Variants in TET3 observed in about 807,000 individuals in gnomAD.
The protein encoded by TET3 is tet methylcytosine dioxygenase 3, also known as methylcytosine dioxygenase TET3.
In TET3, 19 loss-of-function variants were observed where a neutral mutation model predicts 141.4. The observed-to-expected ratio is 0.13, with a 90% CI of 0.09 to 0.20. The LOEUF is 0.20. TET3 is among the 10% of genes least tolerant of loss of function. TET3 has a pLI of 1.00. For synonymous variants in TET3, 1,043 were observed against 980.9 expected (o/e 1.06, Z -1.18); for missense variants, 1,874 against 2,356.9 (o/e 0.80, Z 4.24).
chr2:74,082,934 G>T (rs1689915223), intron 6 of TET3, among the ~76,000 whole-genome samples: 1 of 152,212 alleles, frequency 6.6e-6, no homozygotes, highest in African/African-American at 2.4e-5. Flanking sequence ...TCCTGTGCAT[G>T]TCCCCACCCT....
rs1444536534 is a variant in TET3 at position 74,031,259 on chromosome 2, A to G, written c.361-15019A>G. Among the ~76,000 whole-genome samples, 5 of 152,068 alleles carry G rather than the reference A, an allele frequency of 3.3e-5. No homozygotes were observed. In the East Asian group the frequency reaches 9.7e-4, roughly 29 times the overall value. ...AGGAAAAGGAGAATGGAGGAGGACC[A>G]GTAACCGGCAGGGTCACGGAAACCC... On this transcript the variant is annotated intron_variant, in intron 3 of 11. Coordinates refer to ENST00000409262, the MANE Select transcript of TET3 (RefSeq NM_001287491.2).
intron 6 of TET3, among the ~76,000 whole-genome samples, chr2:74,083,399 C>G (rs779623297): frequency 6.6e-6 from 1 of 152,176 alleles, no homozygotes; most frequent in Non-Finnish European, 1.5e-5. Flanking sequence ...CACAGTAAAA[C>G]AGACTTAGGA....
chr2:74,038,785 G>GTAGT (rs1032831415), intron 3 of TET3, among the ~76,000 whole-genome samples: 2 of 152,190 alleles, frequency 1.3e-5, no homozygotes, highest in African/African-American at 4.8e-5. Flanking sequence ...AGCAAATGGT[G>GTAGT]TAGTTGACCA....
chr2:74,095,832 G>A (rs1221162715), intron 10 of TET3, among the ~76,000 whole-genome samples: 2 of 152,214 alleles, frequency 1.3e-5, no homozygotes, highest in African/African-American at 2.4e-5. Flanking sequence ...GTGCAGTGGC[G>A]CAGTAACCTG....
At chr2:74,071,091 C>T (rs1689178456) in intron 4 of TET3, among the ~76,000 whole-genome samples, 1 of 152,088 alleles carries the variant, frequency 6.6e-6, no homozygotes, top group African/African-American at 2.4e-5. Flanking sequence ...TGTCGAGGGC[C>T]CTCTCTTAGC....
rs771470601 is a variant in TET3 at position 74,100,633 on chromosome 2, C to T, written c.3845C>T (p.Pro1282Leu). ...GGCTTCCACTCCAAGTACGCTCTCC[C>T]GTCTTTTAGCTACTATGGCTTTCCA... is the stretch of plus-strand genomic sequence containing the variant. ...VNGFHSKYAL[P>L]SFSYYGFPSS... Residue 1282 changes from proline to leucine, a missense_variant, in exon 12 of 12, where the codon CCG becomes CTG. Transcript: ENST00000409262. 3.7e-6 allele frequency: 6 copies of T among 1,613,902 alleles called. No individual in the cohort carries two copies. In the Admixed American group the frequency reaches 5.0e-5, roughly 13 times the overall value.
intron 3 of TET3, among the ~76,000 whole-genome samples, chr2:74,037,361 T>G (rs1687126005): frequency 6.6e-6 from 1 of 152,206 alleles, no homozygotes; most frequent in African/African-American, 2.4e-5. Flanking sequence ...GGCCATCCAT[T>G]TGGTGGCAAG....
the TET3 span, among the ~76,000 whole-genome samples, chr2:74,124,918 CAATA>C: frequency 1.3e-5 from 1 of 79,084 alleles, no homozygotes; most frequent in Non-Finnish European, 2.5e-5. Flanking sequence ...CAAGAATGAT[CAATA>C]AATACTAAAA....
chr2:74,130,173 C>G, the TET3 span, among the ~76,000 whole-genome samples: 2 of 151,628 alleles, frequency 1.3e-5, no homozygotes, highest in African/African-American at 4.8e-5. Context: ...ACTATGGTTG[C>G]TTAGTCTTAT....
chr2:74,026,207 G>T (rs576392309), intron 3 of TET3, among the ~76,000 whole-genome samples: 1 of 152,140 alleles, frequency 6.6e-6, no homozygotes, highest in African/African-American at 2.4e-5. Context: ...CCATCGCTGG[G>T]GGGAGAGAGG....
chr2:74,028,586 C>T (rs561587816), intron 3 of TET3, among the ~76,000 whole-genome samples: 1 of 152,126 alleles, frequency 6.6e-6, no homozygotes, highest in Non-Finnish European at 1.5e-5. Flanking sequence ...ATCTTAGTGT[C>T]TTCTCACTGT....
intron 2 of TET3, among the ~76,000 whole-genome samples, chr2:73,992,394 ACTT>A (rs1396347130): frequency 6.6e-6 from 1 of 151,514 alleles, no homozygotes. Context: ...GCTCACTGCA[ACTT>A]CCACCTCCCC....
chr2:74,109,821 C>T (rs185089455), downstream of TET3, among the ~76,000 whole-genome samples: 1 of 152,278 alleles, frequency 6.6e-6, no homozygotes, highest in African/African-American at 2.4e-5. Flanking sequence ...AAGCCAAGCA[C>T]AAAGACACCA....
chr2:74,120,196 C>A, the TET3 span, among the ~76,000 whole-genome samples: 1 of 152,204 alleles, frequency 6.6e-6, no homozygotes, highest in Non-Finnish European at 1.5e-5. Flanking sequence ...ATTCTAGGCG[C>A]CCGGCTCCCG....
At chr2:74,124,365 C>T in the TET3 span, among the ~76,000 whole-genome samples, 1 of 151,934 alleles carries the variant, frequency 6.6e-6, no homozygotes, top group African/African-American at 2.4e-5. Context: ...AGGGTCGCCT[C>T]TGCCCGGCCA....
chr2:74,079,605 G>T (rs1445629959), intron 5 of TET3, among the ~76,000 whole-genome samples: 4 of 152,132 alleles, frequency 2.6e-5, no homozygotes, highest in African/African-American at 9.7e-5. Flanking sequence ...ACTCCCTGTG[G>T]ACTATTGTTT....
rs934902162 is a variant in TET3 at position 74,087,274 on chromosome 2, G to A, written c.2680-556G>A. Among the ~76,000 whole-genome samples, 1 of 152,186 alleles carries A rather than the reference G, an allele frequency of 6.6e-6. No individual in the cohort carries two copies. Among genetic ancestry groups the A allele is most frequent in the Non-Finnish European group, 1.5e-5 (1 of 68,022 alleles). ...TGGCTGTTGTGAATAGTGCTGCAGT[G>A]AACGTGGGTATTCAGGGATCTGCCT... On this transcript the variant is annotated intron_variant, in intron 6 of 11. Transcript: ENST00000409262. This position sits in a 1 kb window ranked among gnomAD's most constrained non-coding sequence, Gnocchi z 4.3.
At chr2:74,094,968 C>T (rs970225462) in intron 10 of TET3, among the ~76,000 whole-genome samples, 1 of 152,046 alleles carries the variant, frequency 6.6e-6, no homozygotes, top group African/African-American at 2.4e-5. Context: ...GCTGTGAGGC[C>T]GACGCCATCA....
chr2:73,988,352 C>T (rs1684150379), intron 2 of TET3, among the ~76,000 whole-genome samples: 3 of 152,188 alleles, frequency 2.0e-5, no homozygotes, highest in African/African-American at 7.2e-5. Flanking sequence ...TTATCTTACT[C>T]GGTTCCTCCC....
Sources: gnomAD v4.1 joint callset for allele counts (sites outside exome capture counted in the v4.1 genomes callset) on GRCh38, gnomAD v4.1.1 for gene constraint, Gnocchi (gnomAD v3.1) non-coding constraint, MANE v1.5 for transcripts, NCBI Gene and HGNC (gene_info 2026-07-23, HGNC 2026-07-21) for gene names.